Variants in CEP128 observed in about 807,000 individuals in gnomAD.
The protein encoded by CEP128 is centrosomal protein 128kDa.
CEP128 carries 132 observed loss-of-function variants against 156.7 expected under a neutral mutation model. That is an observed-to-expected ratio of 0.84 (90% CI 0.73 to 0.97). The LOEUF (loss-of-function observed/expected upper bound fraction) is 0.97. CEP128 is among the 50% of genes least tolerant of loss of function. The pLI is 0.00. For synonymous variants in CEP128, 469 were observed against 448.9 expected, an observed-to-expected ratio of 1.04 and a Z score of -0.57; for missense variants, 1,252 against 1,281.9, an observed-to-expected ratio of 0.98 and a Z score of 0.36.
chr14:80,646,104 C>T (rs1256177488), intron 19 of CEP128, among the ~76,000 whole-genome samples: 1 of 152,092 alleles, frequency 6.6e-6, no homozygotes, highest in Non-Finnish European at 1.5e-5. Flanking sequence ...TGAAACTATT[C>T]TGTAGAATAT....
chr14:80,649,776 T>C (rs1439891648), intron 19 of CEP128, among the ~76,000 whole-genome samples: 2 of 152,176 alleles, frequency 1.3e-5, no homozygotes, highest in Non-Finnish European at 2.9e-5. Context: ...TTGATCTATA[T>C]ATCTGTTTTG....
At chr14:80,766,377 A>G (rs1242931574) in intron 16 of CEP128, among the ~76,000 whole-genome samples, 1 of 152,216 alleles carries the variant, frequency 6.6e-6, no homozygotes, top group Non-Finnish European at 1.5e-5. Flanking sequence ...GAACTGTCCT[A>G]TAATTCAAAA....
chr14:80,906,116 C>T, intron 4 of CEP128, 35 bp from the exon 5 acceptor site: 1 of 1,463,022 alleles, frequency 6.8e-7, no homozygotes, highest in East Asian at 2.5e-5. Context: ...AAGCGTTATT[C>T]TTCTTAAACA....
At chr14:80,597,709 A>C (rs1301153892) in intron 19 of CEP128, among the ~76,000 whole-genome samples, 1 of 151,882 alleles carries the variant, frequency 6.6e-6, no homozygotes, top group African/African-American at 2.4e-5. Flanking sequence ...ATAATTAGCA[A>C]ATAGAATTTA....
chr14:80,764,380 T>C (rs1471070918), intron 16 of CEP128, among the ~76,000 whole-genome samples: 2 of 151,978 alleles, frequency 1.3e-5, no homozygotes, highest in Non-Finnish European at 2.9e-5. Flanking sequence ...GCGCCTGTAG[T>C]CCCAGCTACT....
intron 20 of CEP128, among the ~76,000 whole-genome samples, chr14:80,570,037 T>C (rs1232356854): frequency 6.6e-6 from 1 of 152,226 alleles, no homozygotes; most frequent in Non-Finnish European, 1.5e-5. Flanking sequence ...CATCCCTTTA[T>C]ATTACTAGTA....
chr14:80,791,635 T>C (rs1401317437), intron 14 of CEP128, among the ~76,000 whole-genome samples: 1 of 152,118 alleles, frequency 6.6e-6, no homozygotes, highest in Non-Finnish European at 1.5e-5. Context: ...TTTCCTGGGA[T>C]CAGATCAGTT....
chr14:80,802,415 T>A (rs529824876), intron 13 of CEP128, among the ~76,000 whole-genome samples: 1 of 152,100 alleles, frequency 6.6e-6, no homozygotes, highest in East Asian at 1.9e-4. Flanking sequence ...GAAGCCATCC[T>A]CCTCAGCAAA....
intron 19 of CEP128, among the ~76,000 whole-genome samples, chr14:80,658,932 G>A (rs1895285389): frequency 6.6e-6 from 1 of 152,192 alleles, no homozygotes; most frequent in Non-Finnish European, 1.5e-5. Flanking sequence ...GGAGCAACCA[G>A]ACTGCACAAT....
chr14:80,931,562 C>T (rs1885468086), intron 2 of CEP128, among the ~76,000 whole-genome samples: 1 of 152,202 alleles, frequency 6.6e-6, no homozygotes, highest in Non-Finnish European at 1.5e-5. Flanking sequence ...ACAACAGCTG[C>T]TCCAGAGAGT....
intron 19 of CEP128, among the ~76,000 whole-genome samples, chr14:80,685,188 C>T (rs757738480): frequency 6.6e-5 from 10 of 151,860 alleles, no homozygotes; most frequent in African/African-American, 9.7e-5. Context: ...TGATTCTATC[C>T]CTAGAAAACT....
chr14:80,955,044 A>C, intron 2 of CEP128: 1 of 158,290 alleles, frequency 6.3e-6, no homozygotes, highest in Admixed American at 5.9e-5. Context: ...AGAATCCTCC[A>C]GGGGTGCAGG....
chr14:80,604,598 G>A (rs370734545), intron 19 of CEP128, among the ~76,000 whole-genome samples: 12 of 152,014 alleles, frequency 7.9e-5, no homozygotes, highest in Non-Finnish European at 1.5e-4. Context: ...AGCTTAAAAC[G>A]TATCCTCGGT....
chr14:80,713,238 T>C (rs926091633), intron 19 of CEP128, among the ~76,000 whole-genome samples: 1 of 152,184 alleles, frequency 6.6e-6, no homozygotes, highest in African/African-American at 2.4e-5. Flanking sequence ...AAAGACTCTT[T>C]ATAATCTAAT....
chr14:80,840,905 A>G (rs1292385419), intron 9 of CEP128, 137 bp from the exon 10 acceptor site: 2 of 612,162 alleles, frequency 3.3e-6, no homozygotes, highest in Non-Finnish European at 5.8e-6. Flanking sequence ...CAGTCTGCTC[A>G]TAAGAACACT....
chr14:80,830,127 C>A, intron 13 of CEP128: 1 of 455,626 alleles, frequency 2.2e-6, no homozygotes, highest in South Asian at 4.6e-5. Context: ...ACCCATGAAG[C>A]AAACTTTAAA....
chr14:80,742,159 A>G (rs929241512), intron 19 of CEP128, among the ~76,000 whole-genome samples: 1 of 152,194 alleles, frequency 6.6e-6, no homozygotes, highest in Non-Finnish European at 1.5e-5. Context: ...TTTTTCACAC[A>G]CCAGACAAAA....
At chr14:80,751,703 C>A (rs557453988) in intron 18 of CEP128, among the ~76,000 whole-genome samples, 6 of 150,866 alleles carry the variant, frequency 4.0e-5, no homozygotes, top group Non-Finnish European at 7.4e-5. Flanking sequence ...AATCTAGGCT[C>A]ACTACAACCT....
intron 19 of CEP128, among the ~76,000 whole-genome samples, chr14:80,633,213 G>A (rs1489177963): frequency 4.0e-5 from 6 of 148,306 alleles, no homozygotes. Flanking sequence ...GGGTGCCAGA[G>A]TTAGACCCTG....
Sources: gnomAD v4.1 joint callset for allele counts (sites outside exome capture counted in the v4.1 genomes callset) on GRCh38, gnomAD v4.1.1 for gene constraint, MANE v1.5 for transcripts, NCBI Gene and HGNC (gene_info 2026-07-23, HGNC 2026-07-21) for gene names.